DMD: variants seen among roughly 807,000 people sequenced by gnomAD.
DMD encodes the protein mutant dystrophin.
In DMD, 63 loss-of-function variants were observed where a neutral mutation model predicts 330.1. The ratio of observed to expected loss-of-function variants is 0.19; its 90% CI spans 0.16 to 0.24. The LOEUF (loss-of-function observed/expected upper bound fraction) is 0.24, where lower values mean the gene tolerates loss of function less well. Among genes scored for constraint, DMD ranks in the 10% least tolerant of loss-of-function variants. DMD has a pLI of 1.00. For missense variants in DMD, 3,344 were observed against 2,684.1 expected, an observed-to-expected ratio of 1.25 and a Z score of -5.43; for synonymous variants, 1,223 against 959.8, an observed-to-expected ratio of 1.27 and a Z score of -5.07.
intron 63 of DMD, among the ~76,000 whole-genome samples, chrX:31,229,643 T>C (rs954437468): frequency 1.8e-5 from 2 of 111,936 alleles, no homozygotes; most frequent in South Asian, 7.4e-4. Flanking sequence ...CATATGCTTT[T>C]GGGGGAGTAT....
chrX:32,370,359 T>C (rs1192396111), intron 34 of DMD, among the ~76,000 whole-genome samples: 3 of 110,227 alleles, frequency 2.7e-5, no homozygotes, highest in Non-Finnish European at 5.7e-5. Flanking sequence ...TGGCTAGAGG[T>C]TTAGGACATA....
At chrX:31,492,612 C>T (rs769835280) in intron 57 of DMD, among the ~76,000 whole-genome samples, 6 of 111,569 alleles carry the variant, frequency 5.4e-5, no homozygotes, top group Admixed American at 9.6e-5. Flanking sequence ...ATAGCAAAGG[C>T]GTGGAACCAA....
intron 41 of DMD, 77 bp from the exon 42 acceptor site, chrX:32,310,353 C>T (rs1243077223): frequency 1.2e-6 from 1 of 813,053 alleles, no homozygotes; most frequent in African/African-American, 2.1e-5. Context: ...TTATATAGGT[C>T]TCATTCTACA....
intron 11 of DMD, among the ~76,000 whole-genome samples, chrX:32,637,074 T>G (rs2059152212): frequency 8.9e-6 from 1 of 111,792 alleles, no homozygotes; most frequent in Admixed American, 9.4e-5. Flanking sequence ...TCTTCCTGAT[T>G]AAATGCTTTT....
At chrX:31,504,641 G>A (rs1428873870) in intron 56 of DMD, among the ~76,000 whole-genome samples, 2 of 111,607 alleles carry the variant, frequency 1.8e-5, no homozygotes, top group Non-Finnish European at 3.8e-5. Flanking sequence ...AACTCTTCCA[G>A]TGTTATTCTA....
chrX:33,180,655 A>G (rs7877938), intron 1 of DMD, among the ~76,000 whole-genome samples: 12,187 of 110,763 alleles, frequency 0.11, 511 homozygotes, highest in Middle Eastern at 0.15. Flanking sequence ...GCCCAATCAG[A>G]ACACTGTACT....
chrX:32,141,733 A>C (rs2096755037), intron 44 of DMD, among the ~76,000 whole-genome samples: 1 of 105,325 alleles, frequency 9.5e-6, no homozygotes, highest in Non-Finnish European at 1.9e-5. Context: ...ACGATCTTGC[A>C]TGGTTTCTCA....
intron 44 of DMD, among the ~76,000 whole-genome samples, chrX:32,107,510 C>A (rs1275527488): frequency 9.2e-6 from 1 of 108,953 alleles, no homozygotes; most frequent in Admixed American, 9.9e-5. Flanking sequence ...TAGTTCCAAT[C>A]GAAGTAGAGC....
intron 17 of DMD, among the ~76,000 whole-genome samples, chrX:32,538,743 C>T (rs768919129): frequency 9.0e-6 from 1 of 111,368 alleles, no homozygotes; most frequent in Non-Finnish European, 1.9e-5. Flanking sequence ...AATTCTTGGG[C>T]ACCACTCCAC....
At chrX:33,318,470 C>G (rs1290173698) in intron 1 of DMD, among the ~76,000 whole-genome samples, 62 of 102,301 alleles carry the variant, frequency 6.1e-4, no homozygotes, top group African/African-American at 2.1e-3. Flanking sequence ...TTTTTCGAGA[C>G]AGAGTCTTGC....
chrX:31,623,500 G>A (rs2078678073), intron 55 of DMD, among the ~76,000 whole-genome samples: 1 of 111,150 alleles, frequency 9.0e-6, no homozygotes, highest in African/African-American at 3.3e-5. Flanking sequence ...TTGACCTCGT[G>A]ATCCGCCCGC....
intron 1 of DMD, among the ~76,000 whole-genome samples, chrX:33,165,979 G>A (rs977105175): frequency 1.8e-5 from 2 of 110,979 alleles, no homozygotes; most frequent in African/African-American, 6.5e-5. Context: ...AAGCAAAGAA[G>A]GTAACTGAAA....
chrX:31,489,182 C>T (rs1489317342), intron 57 of DMD, among the ~76,000 whole-genome samples: 1 of 111,867 alleles, frequency 8.9e-6, no homozygotes, highest in African/African-American at 3.3e-5. Context: ...ACTCTGCCAC[C>T]CAGGCTAGAG....
chrX:31,496,660 G>T, intron 57 of DMD, 128 bp downstream of exon 57: 1 of 765,409 alleles, frequency 1.3e-6, no homozygotes, highest in Non-Finnish European at 1.9e-6. Flanking sequence ...ATTTATAATT[G>T]ACCCTTGGGT....
intron 60 of DMD, among the ~76,000 whole-genome samples, chrX:31,372,915 T>G (rs2059672225): frequency 9.0e-6 from 1 of 111,697 alleles, no homozygotes; most frequent in East Asian, 2.8e-4. Flanking sequence ...ATTGTATATC[T>G]AGAAAACCCC....
At chrX:33,302,628 G>C (rs1441491716) in intron 1 of DMD, among the ~76,000 whole-genome samples, 2 of 111,000 alleles carry the variant, frequency 1.8e-5, no homozygotes, top group Non-Finnish European at 3.8e-5. Flanking sequence ...TTCTAGAGTA[G>C]TATTAGCGTC....
chrX:32,817,775 C>A (rs1034072127), intron 5 of DMD, among the ~76,000 whole-genome samples: 2 of 112,081 alleles, frequency 1.8e-5, no homozygotes, highest in Non-Finnish European at 3.8e-5. Context: ...CATATTTTAA[C>A]ATCTCCAATG....
chrX:32,755,365 C>T (rs1016661186), intron 7 of DMD, among the ~76,000 whole-genome samples: 17 of 110,687 alleles, frequency 1.5e-4, no homozygotes, highest in South Asian at 3.8e-4. Context: ...AAGGAAGATA[C>T]GGAAGTGAGC....
intron 9 of DMD, among the ~76,000 whole-genome samples, chrX:32,685,661 T>G (rs2062805820): frequency 8.9e-6 from 1 of 111,883 alleles, no homozygotes; most frequent in Non-Finnish European, 1.9e-5. Context: ...TAGAAGTAAG[T>G]ATTTAAAATG....
Sources: gnomAD v4.1 joint callset for allele counts (sites outside exome capture counted in the v4.1 genomes callset) on GRCh38, gnomAD v4.1.1 for gene constraint, MANE v1.5 for transcripts, NCBI Gene and HGNC (gene_info 2026-07-23, HGNC 2026-07-21) for gene names.